NEXMIF: variants seen among roughly 807,000 people sequenced by gnomAD.
NEXMIF encodes the protein neurite extension and migration factor.
In NEXMIF, 8 loss-of-function variants were observed where a neutral mutation model predicts 62.1. The observed-to-expected ratio is 0.13, with a 90% CI of 0.08 to 0.23. NEXMIF has a LOEUF of 0.23. Ranked by LOEUF, NEXMIF falls within the 10% of genes least tolerant of loss-of-function variation. NEXMIF has a pLI of 1.00. For missense variants in NEXMIF, 976 were observed against 1,113.3 expected, an observed-to-expected ratio of 0.88 and a Z score of 1.75; for synonymous variants, 404 against 416.6, an observed-to-expected ratio of 0.97 and a Z score of 0.37.
intron 1 of NEXMIF, among the ~76,000 whole-genome samples, chrX:74,892,810 G>T (rs1427020295): frequency 8.9e-6 from 1 of 112,032 alleles, no homozygotes; most frequent in Non-Finnish European, 1.9e-5. Context: ...GAGCATAGGA[G>T]AATTTACCCT....
At chrX:74,876,924 A>C (rs1347237319) in intron 1 of NEXMIF, among the ~76,000 whole-genome samples, 1 of 111,275 alleles carries the variant, frequency 9.0e-6, no homozygotes, top group Non-Finnish European at 1.9e-5. Context: ...CAACACACTG[A>C]TGGGTCTTGA....
chrX:74,853,749 A>G (rs1347517209), intron 1 of NEXMIF, among the ~76,000 whole-genome samples: 2 of 111,478 alleles, frequency 1.8e-5, no homozygotes, highest in Admixed American at 9.5e-5. Flanking sequence ...AGAAAAGGAG[A>G]TATTACAACT....
chrX:74,796,096 G>T (rs1386188875), intron 1 of NEXMIF, among the ~76,000 whole-genome samples: 4 of 76,175 alleles, frequency 5.3e-5, no homozygotes, highest in African/African-American at 1.5e-4. Context: ...ATAAACTCAT[G>T]TTTAGCTTTA....
Position 74,761,952 on chromosome X carries a change from ATTTCTTTC to A in NEXMIF, c.-47-16263_-47-16256del, listed in dbSNP as rs373014429. 5.5e-5 allele frequency among the ~76,000 whole-genome samples: 6 copies of A among 109,681 alleles called. No individual in the cohort carries two copies. The East Asian group carries it at 1.5e-3, about 27-fold the overall frequency. On this transcript the variant is annotated intron_variant, in intron 1 of 3. Coordinates refer to ENST00000055682, the MANE Select transcript of NEXMIF (RefSeq NM_001008537.3). Reference sequence around the variant, plus strand: ...AAGGAAATTCTTAAATTCTGCCTCAATTTCTTTCTTTCTTTCTTTCTTTTTTATTATAC... The same window carrying A: ...AAGGAAATTCTTAAATTCTGCCTCAATTTCTTTCTTTCTTTTTTATTATAC...
At chrX:74,807,456 T>A (rs2147473194) in intron 1 of NEXMIF, among the ~76,000 whole-genome samples, 1 of 110,689 alleles carries the variant, frequency 9.0e-6, no homozygotes, top group African/African-American at 3.3e-5. Context: ...AGGCATATGC[T>A]ACAGTGCTCA....
chrX:74,844,676 C>A (rs1323253865), intron 1 of NEXMIF, among the ~76,000 whole-genome samples: 2 of 111,746 alleles, frequency 1.8e-5, no homozygotes, highest in Admixed American at 1.9e-4. Flanking sequence ...TCATCTAAAC[C>A]ATAATAACAA....
chrX:74,838,866 C>T (rs1160141666), intron 1 of NEXMIF, among the ~76,000 whole-genome samples: 1 of 111,626 alleles, frequency 9.0e-6, no homozygotes, highest in Non-Finnish European at 1.9e-5. Context: ...TAATGAAAAC[C>T]TGCAAATATG....
chrX:74,756,900 C>T (rs2080161090), intron 1 of NEXMIF, among the ~76,000 whole-genome samples: 1 of 111,798 alleles, frequency 8.9e-6, no homozygotes, highest in Non-Finnish European at 1.9e-5. Context: ...CAATAGTCAG[C>T]TCTGCAGGAC....
At chrX:74,827,428 C>T (rs1192812356) in intron 1 of NEXMIF, among the ~76,000 whole-genome samples, 1 of 111,627 alleles carries the variant, frequency 9.0e-6, no homozygotes, top group Non-Finnish European at 1.9e-5. Context: ...GTCATTTCAT[C>T]CCCTAGGTAG....
At chrX:74,854,377 C>T (rs752791702) in intron 1 of NEXMIF, among the ~76,000 whole-genome samples, 10 of 111,905 alleles carry the variant, frequency 8.9e-5, no homozygotes, top group African/African-American at 3.2e-4. Flanking sequence ...AATTCAACAG[C>T]CCTTTATGAT....
At chrX:74,838,985 G>A (rs781627000) in intron 1 of NEXMIF, among the ~76,000 whole-genome samples, 4 of 111,665 alleles carry the variant, frequency 3.6e-5, no homozygotes, top group Non-Finnish European at 5.7e-5. Flanking sequence ...TCTCAAAGGA[G>A]TGCTGTCAAT....
At chrX:74,814,597 T>TA (rs2080370184) in intron 1 of NEXMIF, among the ~76,000 whole-genome samples, 1 of 112,228 alleles carries the variant, frequency 8.9e-6, no homozygotes, top group Non-Finnish European at 1.9e-5. Flanking sequence ...ATAGGAATGC[T>TA]ATGACTGATG....
intron 1 of NEXMIF, among the ~76,000 whole-genome samples, chrX:74,894,968 C>G (rs975653042): frequency 8.9e-6 from 1 of 111,970 alleles, no homozygotes; most frequent in South Asian, 3.7e-4. Context: ...ACTGGCAGCC[C>G]TAGCTAGAGC....
chrX:74,763,758 G>C (rs1371917148), intron 1 of NEXMIF, among the ~76,000 whole-genome samples: 1 of 111,330 alleles, frequency 9.0e-6, no homozygotes, highest in East Asian at 2.8e-4. Context: ...CTCATGATTT[G>C]GCTCTCTGTT....
chrX:74,808,118 T>C (rs1201559525), intron 1 of NEXMIF, among the ~76,000 whole-genome samples: 1 of 111,489 alleles, frequency 9.0e-6, no homozygotes, highest in Non-Finnish European at 1.9e-5. Context: ...TAAATTCTAC[T>C]TGGGGCTGGG....
intron 1 of NEXMIF, among the ~76,000 whole-genome samples, chrX:74,889,029 G>A (rs1254024248): frequency 8.9e-6 from 1 of 111,868 alleles, no homozygotes; most frequent in East Asian, 2.8e-4. Context: ...CTTATATAGT[G>A]AGGTGTGGAG....
Position 74,824,284 on chromosome X carries a change from C to A in NEXMIF, c.-47-78587G>T, listed in dbSNP as rs146031848. Among the ~76,000 whole-genome samples, 923 of 111,889 alleles carry A rather than the reference C, an allele frequency of 8.2e-3. 5 individuals are homozygous for A. Among genetic ancestry groups the A allele is most frequent in the Middle Eastern group, 0.027 (6 of 219 alleles). On this transcript the variant is annotated intron_variant, in intron 1 of 3. Coordinates refer to ENST00000055682, the MANE Select transcript of NEXMIF (RefSeq NM_001008537.3). ...TTGACTATCATCTCCCCATTCCCCA[C>A]AAGCCCCAGCCTGTGTAACCACCAT...
At chrX:74,882,914 A>T (rs1353478553) in intron 1 of NEXMIF, among the ~76,000 whole-genome samples, 1 of 111,257 alleles carries the variant, frequency 9.0e-6, no homozygotes, top group African/African-American at 3.3e-5. Context: ...GTGGACTGAC[A>T]CCTCACACAA....
intron 1 of NEXMIF, among the ~76,000 whole-genome samples, chrX:74,746,898 A>C (rs1252383343): frequency 8.9e-6 from 1 of 112,734 alleles, no homozygotes; most frequent in Non-Finnish European, 1.9e-5. Flanking sequence ...CATGGGTGCC[A>C]GGGAAAAGAG....
Sources: allele counts gnomAD v4.1 joint callset (sites outside exome capture counted in the v4.1 genomes callset), GRCh38; gene constraint gnomAD v4.1.1; transcripts MANE v1.5; gene names NCBI Gene and HGNC (gene_info 2026-07-23, HGNC 2026-07-21).